The following MTCH1 variants were observed in gnomAD, a reference collection of about 807,000 sequenced individuals.
The protein encoded by MTCH1 is mitochondrial carrier 1, also known as mitochondrial carrier homolog 1.
MTCH1 carries 23 observed loss-of-function variants against 49.3 expected under a neutral mutation model. The observed-to-expected ratio is 0.47, with a 90% CI of 0.34 to 0.66. MTCH1 has a LOEUF of 0.66. Among genes scored for constraint, MTCH1 ranks in the 30% least tolerant of loss-of-function variants. MTCH1 has a pLI of 0.01. For missense variants in MTCH1, 397 were observed against 532.1 expected, an observed-to-expected ratio of 0.75 and a Z score of 2.50; for synonymous variants, 229 against 215.2, an observed-to-expected ratio of 1.06 and a Z score of -0.56.
At position 36,970,425 on chromosome 6, in the gene MTCH1, T is replaced by C. The variant is rs770528051; in HGVS notation, c.1003A>G (p.Met335Val). The C allele has an allele frequency of 6.2e-7, 1 of 1,614,078 alleles. No individual in the cohort carries two copies. The highest frequency in any genetic ancestry group is 8.5e-7 in the Non-Finnish European group (1 of 1,180,008). The change falls in exon 10 of 12, where the codon ATG becomes GTG. Residue 335 changes from methionine to valine, a missense_variant. Met to Val is a conservative substitution (Grantham distance 21). This residue lies in a region of MTCH1 where 252 missense variants were observed against 388.3 expected (regional missense o/e 0.65). Transcript: ENST00000373627. ...TYPFLLVGDL[M>V]AVNNCGLQAG... Reference sequence around the variant, plus strand: ...ACCTACCCGCAGTTGTTCACAGCCATGAGGTCGCCAACTAGCAGGAAGGGG... The same window carrying C: ...ACCTACCCGCAGTTGTTCACAGCCACGAGGTCGCCAACTAGCAGGAAGGGG...
intron 1 of MTCH1, among the ~76,000 whole-genome samples, chr6:36,985,090 C>T (rs1339521939): frequency 6.7e-6 from 1 of 149,538 alleles, no homozygotes; most frequent in Non-Finnish European, 1.5e-5. Flanking sequence ...TCCCCCCATA[C>T]GCGTCACCCT....
Position 36,970,700 on chromosome 6 carries a change from G to GAC in MTCH1, c.907-7_907-6insGT. ...ATGGCCAGGGCCTGGCTGAACTGAG[G>GAC]AGACAGAAGGGAAGAGTGGTTTGCC... is the stretch of plus-strand genomic sequence containing the variant. On this transcript the variant is annotated splice_region_variant and splice_polypyrimidine_tract_variant and intron_variant, in intron 8 of 11. Coordinates refer to ENST00000373627, the MANE Select transcript of MTCH1 (RefSeq NM_001271641.2). 6.2e-7 allele frequency: 1 copy of GAC among 1,614,006 alleles called. No individual in the cohort carries two copies. The highest frequency in any genetic ancestry group is 8.5e-7 in the Non-Finnish European group (1 of 1,179,982).
At chr6:36,971,033 T>C in intron 8 of MTCH1, 1 of 376,368 alleles carries the variant, frequency 2.7e-6, no homozygotes, top group Non-Finnish European at 5.1e-6. Flanking sequence ...ACATGCACCC[T>C]GAAACCCAAA....
Position 36,977,665 on chromosome 6 carries a change from A to G in MTCH1, c.618T>C (p.Cys206=). The part of the protein sequence containing the change: ...KETSYEMMMQ[C]VSRMLAHPLH... The stretch of plus-strand genomic sequence containing the variant: ...GGGGGTGGGCCAACATGCGGGACAC[A>G]CACTGCATCATCATCTCGTAGGAGG... The change falls in exon 5 of 12, where the codon TGT becomes TGC. Residue 206 remains cysteine, a synonymous_variant. Coordinates refer to ENST00000373627, the MANE Select transcript of MTCH1 (RefSeq NM_001271641.2). The surrounding 1 kb of genome is among the most constrained non-coding windows in gnomAD (Gnocchi z 5.4). The G allele has an allele frequency of 6.2e-7, 1 of 1,610,502 alleles. No homozygotes were observed. Among genetic ancestry groups the G allele is most frequent in the Admixed American group, 1.7e-5 (1 of 59,590 alleles).
rs369542410 is a variant in MTCH1, at chr6:36,975,660, G to A, written c.759C>T (p.Phe253=). 46 of 1,613,950 alleles carry A rather than the reference G, an allele frequency of 2.9e-5. No individual in the cohort carries two copies. Among genetic ancestry groups the A allele is most frequent in the East Asian group, 4.5e-5 (2 of 44,900 alleles). The change falls in exon 7 of 12, where the codon TTC becomes TTT. Residue 253 remains phenylalanine (F), a splice_region_variant and synonymous_variant. Transcript: ENST00000373627. ...IFKEEGLLGF[F]VGLIPHLLGD... Reference sequence around the variant, plus strand: ...ATGGGGTGTATAAACTCACGTACACGAAGAATCCCAGCAGCCCTTCCTCTT... The same window carrying A: ...ATGGGGTGTATAAACTCACGTACACAAAGAATCCCAGCAGCCCTTCCTCTT...
At position 36,972,855 on chromosome 6, in the gene MTCH1, T is replaced by A; in HGVS notation, c.762-59A>T. ...AGGGAGAGGAGCAGTTCCTGGGGGCTCCACACCCAGGAAGCAGGCAGGGAT... is the reference window on the plus strand; with the variant it reads ...AGGGAGAGGAGCAGTTCCTGGGGGCACCACACCCAGGAAGCAGGCAGGGAT... On this transcript the variant is annotated intron_variant, in intron 7 of 11. Coordinates refer to ENST00000373627, the MANE Select transcript of MTCH1 (RefSeq NM_001271641.2). This position sits in a 1 kb window ranked among gnomAD's most constrained non-coding sequence, Gnocchi z 4.1. 1 of 1,469,026 alleles carries A rather than the reference T, an allele frequency of 6.8e-7. No homozygotes were observed. The highest frequency in any genetic ancestry group is 9.2e-7 in the Non-Finnish European group (1 of 1,081,654). The allele number at this position is 1,469,026 out of a possible 1,614,324, so 91.0% of individuals were successfully genotyped here. A position where few individuals can be genotyped will look rare whatever the true frequency, so the allele number is the denominator to read the frequency against.
intron 6 of MTCH1, among the ~76,000 whole-genome samples, chr6:36,976,076 T>C (rs916274609): frequency 6.6e-6 from 1 of 152,068 alleles, no homozygotes; most frequent in Admixed American, 6.5e-5. Context: ...TTATCTCTGG[T>C]TAAACAACCC....
intron 8 of MTCH1, 107 bp from the exon 9 acceptor site, chr6:36,970,801 G>A (rs1169465975): frequency 1.6e-5 from 19 of 1,217,432 alleles, no homozygotes; most frequent in South Asian, 1.0e-4. Context: ...TCACAAGCAC[G>A]CTGCACATGC....
At position 36,982,546 on chromosome 6, in the gene MTCH1, C is replaced by A. The variant is rs538940143; in HGVS notation, c.322-874G>T. Among the ~76,000 whole-genome samples the A allele has an allele frequency of 2.6e-4, 40 of 152,222 alleles. No homozygotes were observed. The highest frequency in any genetic ancestry group is 9.2e-4 in the African/African-American group (38 of 41,524). On this transcript the variant is annotated intron_variant, in intron 1 of 11. Transcript: ENST00000373627. The surrounding 1 kb of genome is among the most constrained non-coding windows in gnomAD (Gnocchi z 4.1). ...GGGAATACAAGCACCCGCCACCATA[C>A]CCGGCAAATTTTTTGTATTTTTAGT...
chr6:36,978,859 C>T lies in MTCH1; in HGVS notation c.407-248G>A, dbSNP rs573019550. Among the ~76,000 whole-genome samples, 3 of 148,778 alleles carry T rather than the reference C, an allele frequency of 2.0e-5. 1 individual carries two copies. The highest frequency in any genetic ancestry group is 7.6e-5 in the African/African-American group (3 of 39,566). On this transcript the variant is annotated intron_variant, in intron 2 of 11. Coordinates refer to ENST00000373627, the MANE Select transcript of MTCH1 (RefSeq NM_001271641.2). Reference sequence around the variant, plus strand: ...ACAAGTTCATATATTTTCTTCCTTCCTTCCCTCCCTCCCTCCTTTTTTTTT... The same window carrying T: ...ACAAGTTCATATATTTTCTTCCTTCTTTCCCTCCCTCCCTCCTTTTTTTTT...
chr6:36,973,390 T>C (rs1375378544), intron 7 of MTCH1, among the ~76,000 whole-genome samples: 1 of 152,104 alleles, frequency 6.6e-6, no homozygotes, highest in East Asian at 1.9e-4. Context: ...TTTTTTACAA[T>C]GTGTTTGCTT....
intron 8 of MTCH1, among the ~76,000 whole-genome samples, chr6:36,971,542 G>A (rs1410812741): frequency 2.0e-5 from 3 of 151,486 alleles, no homozygotes; most frequent in Non-Finnish European, 1.5e-5. Context: ...CACTGTGATT[G>A]CAGATGGGGT....
chr6:36,985,729 A>ACCC, intron 1 of MTCH1, 124 bp downstream of exon 1: 2 of 560,576 alleles, frequency 3.6e-6, no homozygotes, highest in Non-Finnish European at 2.9e-6. Flanking sequence ...GGCCCCCCAA[A>ACCC]CCCGCCGTCC....
At chr6:36,970,284 T>A in intron 10 of MTCH1, 122 bp downstream of exon 10, 1 of 1,469,386 alleles carries the variant, frequency 6.8e-7, no homozygotes, top group Admixed American at 1.8e-5. Context: ...CCAGGGTGCC[T>A]GGCAGGCCAA....
Position 36,977,705 on chromosome 6 carries a change from T to G in MTCH1, c.592-14A>C. On this transcript the variant is annotated splice_polypyrimidine_tract_variant and intron_variant, in intron 4 of 11. Coordinates refer to ENST00000373627, the MANE Select transcript of MTCH1 (RefSeq NM_001271641.2). The surrounding 1 kb of genome is among the most constrained non-coding windows in gnomAD (Gnocchi z 5.4). ...CTCGTAGGAGGTCTGGAAGAGAGCA[T>G]GGGGTGGGGACTCGCCACCCTCGGC... is the stretch of plus-strand genomic sequence containing the variant. The G allele has an allele frequency of 1.2e-6, 2 of 1,603,100 alleles. No homozygotes were observed. The highest frequency in any genetic ancestry group is 1.7e-6 in the Non-Finnish European group (2 of 1,174,878).
Position 36,968,965 on chromosome 6 carries a change from A to G in MTCH1, c.1108T>C (p.Phe370Leu). ...CGGAAAAGCAGGCTGGAGCCTCGGA[A>G]GAGCTGGCCCTGGACCAGAAGGAAA... ...WKYLSVQGQL[F>L]RGSSLLFRRV... Residue 370 changes from phenylalanine (F) to leucine (L), a missense_variant, in exon 12 of 12, where the codon TTC becomes CTC. Physicochemically the swap from Phe to Leu is conservative, Grantham distance 22 (BLOSUM62 0). Coordinates refer to ENST00000373627, the MANE Select transcript of MTCH1 (RefSeq NM_001271641.2). The G allele has an allele frequency of 6.2e-7, 1 of 1,614,102 alleles. No homozygotes were observed. The highest frequency in any genetic ancestry group is 8.5e-7 in the Non-Finnish European group (1 of 1,179,984).
chr6:36,981,764 A>T, intron 1 of MTCH1, 92 bp from the exon 2 acceptor site: 1 of 1,048,934 alleles, frequency 9.5e-7, no homozygotes, highest in African/African-American at 1.7e-5. Flanking sequence ...CCTTTGCTTA[A>T]CTCTTCTCCC....
intron 3 of MTCH1, 111 bp from the exon 4 acceptor site, chr6:36,978,266 G>T: frequency 9.7e-7 from 1 of 1,028,632 alleles, no homozygotes; most frequent in Non-Finnish European, 1.5e-6. Context: ...AGTGTCTATT[G>T]GCTGGGCCCA....
Position 36,972,425 on chromosome 6 carries a change from C to CT in MTCH1, c.906+226_906+227insA, listed in dbSNP as rs3215341. Among the ~76,000 whole-genome samples, 42,538 of 151,988 alleles carry CT rather than the reference C, an allele frequency of 0.28. 6,146 individuals carry two copies. The highest frequency in any genetic ancestry group is 0.37 in the South Asian group (1,763 of 4,826). ...GATAAGCTGGGGTCTGTTTCTAAGG[C>CT]GCCCAGGGACAAGCATTCCATTAAT... is the stretch of plus-strand genomic sequence containing the variant. On this transcript the variant is annotated intron_variant, in intron 8 of 11. Coordinates refer to ENST00000373627, the MANE Select transcript of MTCH1 (RefSeq NM_001271641.2). The surrounding 1 kb of genome is among the most constrained non-coding windows in gnomAD (Gnocchi z 4.1).
Sources: allele counts gnomAD v4.1 joint callset (sites outside exome capture counted in the v4.1 genomes callset), GRCh38; gene constraint gnomAD v4.1.1; regional missense constraint gnomAD v4.1.1; non-coding constraint Gnocchi (gnomAD v3.1); transcripts MANE v1.5; gene names NCBI Gene and HGNC (gene_info 2026-07-23, HGNC 2026-07-21).